Variants in CTNNA3 observed in about 807,000 individuals in gnomAD.
CTNNA3 encodes the protein catenin alpha 3.
In CTNNA3, 76 loss-of-function variants were observed where a neutral mutation model predicts 95.7. The observed-to-expected ratio is 0.79, with a 90% confidence interval of 0.66 to 0.96. The LOEUF is 0.96. Among genes scored for constraint, CTNNA3 ranks in the 40% least tolerant of loss-of-function variants. CTNNA3 has a pLI of 0.00. For synonymous variants in CTNNA3, 431 were observed against 374.4 expected (o/e 1.15, Z -1.74); for missense variants, 1,191 against 1,089.8 (o/e 1.09, Z -1.31).
chr10:67,615,600 G>A (rs1843625285), intron 2 of CTNNA3, among the ~76,000 whole-genome samples: 1 of 152,058 alleles, frequency 6.6e-6, no homozygotes, highest in South Asian at 2.1e-4. Context: ...CTAAGAAGGT[G>A]GGGGAACAGA....
intron 7 of CTNNA3, among the ~76,000 whole-genome samples, chr10:67,142,640 A>C (rs976092417): frequency 6.6e-6 from 1 of 152,166 alleles, no homozygotes; most frequent in African/African-American, 2.4e-5. Context: ...TTATTTTAAA[A>C]ATATTGCTAA....
intron 7 of CTNNA3, chr10:67,013,021 C>T (rs1004233170): frequency 1.3e-5 from 2 of 151,984 alleles, no homozygotes; most frequent in Non-Finnish European, 2.9e-5. Context: ...CTGCAATGGC[C>T]ACTAGGTAAT....
At chr10:67,212,021 G>T (rs1323075290) in intron 6 of CTNNA3, among the ~76,000 whole-genome samples, 1 of 151,940 alleles carries the variant, frequency 6.6e-6, no homozygotes. Context: ...TAGCACAAGG[G>T]TTCACACAGA....
At chr10:66,762,888 C>T (rs1839656915) in intron 9 of CTNNA3, among the ~76,000 whole-genome samples, 1 of 151,964 alleles carries the variant, frequency 6.6e-6, no homozygotes, top group African/African-American at 2.4e-5. Flanking sequence ...TTAAGTCTTA[C>T]TTCAACATGT....
At chr10:66,217,555 A>G (rs1159501431) in intron 13 of CTNNA3, among the ~76,000 whole-genome samples, 1 of 152,144 alleles carries the variant, frequency 6.6e-6, no homozygotes, top group East Asian at 1.9e-4. Context: ...GATTGTTTCC[A>G]GTTTTCACTA....
At chr10:66,367,871 A>T (rs369784199) in intron 12 of CTNNA3, among the ~76,000 whole-genome samples, 9 of 58,682 alleles carry the variant, frequency 1.5e-4, no homozygotes, top group African/African-American at 5.7e-4. Flanking sequence ...TAATAATAAT[A>T]ATAATAATAA....
Position 66,927,076 on chromosome 10 carries a change from G to A in CTNNA3, c.1048-151552C>T. 1 of 1,614,146 alleles carries A rather than the reference G, an allele frequency of 6.2e-7. No homozygotes were observed. The highest frequency in any genetic ancestry group is 8.5e-7 in the Non-Finnish European group (1 of 1,180,036). On this transcript the variant is annotated intron_variant, in intron 7 of 17. Coordinates refer to ENST00000433211, the MANE Select transcript of CTNNA3 (RefSeq NM_013266.4). The surrounding 1 kb of genome is among the most constrained non-coding windows in gnomAD (Gnocchi z 4.7). ...ATATTGTGAATCTCAGAAATTACAGGAGATACCCTCAAGTATATCTGCTGG... is the reference window on the plus strand; with the variant it reads ...ATATTGTGAATCTCAGAAATTACAGAAGATACCCTCAAGTATATCTGCTGG...
At chr10:66,002,862 G>T (rs139502441) in intron 15 of CTNNA3, among the ~76,000 whole-genome samples, 9 of 152,146 alleles carry the variant, frequency 5.9e-5, no homozygotes, top group Non-Finnish European at 1.2e-4. Flanking sequence ...ATTCTATTCC[G>T]TTCGGGAAAG....
At chr10:67,251,261 A>G (rs544640806) in intron 5 of CTNNA3, among the ~76,000 whole-genome samples, 13 of 152,354 alleles carry the variant, frequency 8.5e-5, no homozygotes, top group African/African-American at 2.9e-4. Context: ...GTTAGTTTCT[A>G]TGAAATGTCT....
chr10:66,878,506 C>T (rs1485101624), intron 7 of CTNNA3, among the ~76,000 whole-genome samples: 1 of 152,152 alleles, frequency 6.6e-6, no homozygotes, highest in Non-Finnish European at 1.5e-5. Context: ...GCATAACAAA[C>T]AAGAGTGGGC....
intron 10 of CTNNA3, among the ~76,000 whole-genome samples, chr10:66,599,370 G>A (rs754496607): frequency 7.2e-5 from 11 of 152,064 alleles, no homozygotes; most frequent in South Asian, 4.2e-4. Context: ...TTAAGTATTC[G>A]CTTAAGAGAA....
intron 9 of CTNNA3, among the ~76,000 whole-genome samples, chr10:66,629,566 C>A (rs1845060214): frequency 1.3e-5 from 2 of 152,050 alleles, no homozygotes; most frequent in African/African-American, 4.8e-5. Flanking sequence ...AGCAAATGTT[C>A]TTTCTCTACA....
Position 66,417,808 on chromosome 10 carries a change from T to A in CTNNA3, c.1532-38456A>T, listed in dbSNP as rs540756209. Among the ~76,000 whole-genome samples, 4 of 151,934 alleles carry A rather than the reference T, an allele frequency of 2.6e-5. No individual in the cohort carries two copies. The South Asian group carries it at 6.2e-4, about 24-fold the overall frequency. Reference sequence around the variant, plus strand: ...TGTCAATGAAGAAATTTAAAAATTTTGAAACTAATGAAAATGAAAACAAAA... The same window carrying A: ...TGTCAATGAAGAAATTTAAAAATTTAGAAACTAATGAAAATGAAAACAAAA... On this transcript the variant is annotated intron_variant, in intron 11 of 17. Coordinates refer to ENST00000433211, the MANE Select transcript of CTNNA3 (RefSeq NM_013266.4).
intron 9 of CTNNA3, among the ~76,000 whole-genome samples, chr10:66,728,073 A>G (rs1431794608): frequency 6.6e-6 from 1 of 152,202 alleles, no homozygotes; most frequent in Non-Finnish European, 1.5e-5. Context: ...GAAAGAAGAC[A>G]ATATTGCACA....
chr10:67,485,478 C>T (rs890897501), intron 5 of CTNNA3, among the ~76,000 whole-genome samples: 2 of 152,240 alleles, frequency 1.3e-5, no homozygotes, highest in East Asian at 1.9e-4. Context: ...CAAACCTGCA[C>T]ATGTACCCCT....
chr10:66,556,148 A>G (rs1258760130), intron 10 of CTNNA3, among the ~76,000 whole-genome samples: 2 of 152,090 alleles, frequency 1.3e-5, no homozygotes, highest in Non-Finnish European at 2.9e-5. Flanking sequence ...GATGCAAATC[A>G]GAACCACAAT....
intron 10 of CTNNA3, among the ~76,000 whole-genome samples, chr10:66,548,428 C>T (rs997622827): frequency 5.9e-5 from 9 of 151,926 alleles, no homozygotes; most frequent in Non-Finnish European, 1.3e-4. Flanking sequence ...TCTTTCTGTT[C>T]TTTTTCTCAT....
intron 9 of CTNNA3, among the ~76,000 whole-genome samples, chr10:66,685,331 A>G (rs1453097873): frequency 0.012 from 411 of 34,362 alleles, 8 homozygotes; most frequent in African/African-American, 0.061. Context: ...GTGTGTATAT[A>G]TATATATATA....
chr10:66,406,257 T>C (rs2093056310), intron 11 of CTNNA3, among the ~76,000 whole-genome samples: 1 of 152,138 alleles, frequency 6.6e-6, no homozygotes, highest in Admixed American at 6.6e-5. Flanking sequence ...AACTCAGTGG[T>C]TTGATGAAGA....
Sources: allele counts gnomAD v4.1 joint callset (sites outside exome capture counted in the v4.1 genomes callset), GRCh38; gene constraint gnomAD v4.1.1; non-coding constraint Gnocchi (gnomAD v3.1); transcripts MANE v1.5; gene names NCBI Gene and HGNC (gene_info 2026-07-23, HGNC 2026-07-21).